Variants in MAGI2 observed in about 807,000 individuals in gnomAD.
MAGI2 encodes the protein membrane associated guanylate kinase, WW and PDZ domain containing 2.
MAGI2 carries 35 observed loss-of-function variants against 133.3 expected under a neutral mutation model. That is an observed-to-expected ratio of 0.26 (90% CI 0.20 to 0.35). The LOEUF (loss-of-function observed/expected upper bound fraction) is 0.35. MAGI2 is among the 10% of genes least tolerant of loss of function. The probability of loss-of-function intolerance (pLI) is 1.00; values close to 1 mark genes in which losing one functional copy is unlikely to be tolerated. For synonymous variants in MAGI2, 729 were observed against 710.6 expected (o/e 1.03, Z -0.41); for missense variants, 1,636 against 1,863.4 (o/e 0.88, Z 2.25).
chr7:78,163,263 G>A (rs899868782), intron 15 of MAGI2, among the ~76,000 whole-genome samples: 2 of 151,910 alleles, frequency 1.3e-5, no homozygotes, highest in Non-Finnish European at 2.9e-5. Context: ...TTAGCCTCCC[G>A]AGTAGCTGAG....
chr7:79,149,159 A>ATT (rs1822956659), intron 1 of MAGI2, among the ~76,000 whole-genome samples: 3 of 145,356 alleles, frequency 2.1e-5, no homozygotes, highest in South Asian at 2.1e-4. Flanking sequence ...ATATATATAT[A>ATT]TTATATATAT....
chr7:79,257,617 G>T (rs1833783994), intron 1 of MAGI2, among the ~76,000 whole-genome samples: 1 of 152,136 alleles, frequency 6.6e-6, no homozygotes, highest in Non-Finnish European at 1.5e-5. Context: ...ACCACTTTTA[G>T]TGATTAGATT....
chr7:79,079,035 C>T (rs368093428), intron 1 of MAGI2, among the ~76,000 whole-genome samples: 8 of 152,106 alleles, frequency 5.3e-5, no homozygotes, highest in African/African-American at 1.9e-4. Flanking sequence ...TTTCTCCCTA[C>T]CCTAATTTTC....
chr7:78,797,670 T>C (rs775891949), intron 2 of MAGI2, among the ~76,000 whole-genome samples: 2 of 152,190 alleles, frequency 1.3e-5, no homozygotes, highest in Non-Finnish European at 2.9e-5. Flanking sequence ...AGGTTTTTAA[T>C]GTTCAAAAGT....
At chr7:79,343,742 T>C (rs1436757062) in intron 1 of MAGI2, among the ~76,000 whole-genome samples, 1 of 152,182 alleles carries the variant, frequency 6.6e-6, no homozygotes, top group Non-Finnish European at 1.5e-5. Flanking sequence ...TCAAATTACT[T>C]TTTAGTTTTC....
chr7:78,088,801 C>G (rs1286764686), intron 20 of MAGI2, among the ~76,000 whole-genome samples: 1 of 152,186 alleles, frequency 6.6e-6, no homozygotes, highest in Middle Eastern at 3.2e-3. Context: ...ACCTCCTAGT[C>G]CCTGGAAGCT....
intron 1 of MAGI2, among the ~76,000 whole-genome samples, chr7:79,098,372 A>G (rs568545938): frequency 1.4e-4 from 22 of 152,190 alleles, no homozygotes; most frequent in Non-Finnish European, 2.1e-4. Context: ...CCTGTCATTT[A>G]TAGTCGATCT....
chr7:78,056,483 C>A (rs1165135839), intron 21 of MAGI2, among the ~76,000 whole-genome samples: 1 of 152,168 alleles, frequency 6.6e-6, no homozygotes, highest in Non-Finnish European at 1.5e-5. Context: ...GAATACTATG[C>A]AGCCATAAAA....
chr7:79,250,243 A>T (rs571437691), intron 1 of MAGI2, among the ~76,000 whole-genome samples: 5 of 151,886 alleles, frequency 3.3e-5, no homozygotes, highest in Non-Finnish European at 5.9e-5. Flanking sequence ...GAACACAAGG[A>T]TGCCCATGTT....
intron 9 of MAGI2, among the ~76,000 whole-genome samples, chr7:78,308,619 G>A (rs569033225): frequency 1.0e-4 from 15 of 148,422 alleles, no homozygotes; most frequent in African/African-American, 3.7e-4. Flanking sequence ...TTTTTCTTCT[G>A]TATTACTCCC....
chr7:78,407,788 C>T (rs1797522203), intron 6 of MAGI2, among the ~76,000 whole-genome samples: 1 of 151,786 alleles, frequency 6.6e-6, no homozygotes, highest in African/African-American at 2.4e-5. Flanking sequence ...GGAAGTAAGT[C>T]AGGTCAGGGT....
chr7:78,599,837 C>T (rs1336889288), intron 3 of MAGI2, among the ~76,000 whole-genome samples: 1 of 152,166 alleles, frequency 6.6e-6, no homozygotes, highest in African/African-American at 2.4e-5. Flanking sequence ...AATAAGACCT[C>T]ACTCTGCTGC....
intron 2 of MAGI2, among the ~76,000 whole-genome samples, chr7:78,871,376 C>T (rs142073734): frequency 2.0e-3 from 301 of 152,090 alleles, no homozygotes; most frequent in African/African-American, 6.3e-3. Flanking sequence ...TATAAGACTA[C>T]GCACTGAGTA....
At chr7:78,680,808 A>G (rs321976) in intron 2 of MAGI2, among the ~76,000 whole-genome samples, 3 of 152,108 alleles carry the variant, frequency 2.0e-5, no homozygotes, top group Non-Finnish European at 4.4e-5. Context: ...CTTCTTCCAT[A>G]TAGTCTTTCA....
chr7:78,029,656 T>C lies in MAGI2; in HGVS notation c.3707-9680A>G, dbSNP rs1584882269. On this transcript the variant is annotated intron_variant, in intron 21 of 21. Coordinates refer to ENST00000354212, the MANE Select transcript of MAGI2 (RefSeq NM_012301.4). The stretch of plus-strand genomic sequence containing the variant: ...TCTAACAGAACAGTCTGCAAACGAC[T>C]GCGTGTTGAAAACTACTGCGTGTTG... Among the ~76,000 whole-genome samples the C allele has an allele frequency of 6.6e-5, 10 of 152,342 alleles. 1 individual carries two copies. The South Asian group carries it at 2.1e-3, about 32-fold the overall frequency.
At chr7:78,706,911 CTG>C (rs1305668723) in intron 2 of MAGI2, among the ~76,000 whole-genome samples, 1 of 152,116 alleles carries the variant, frequency 6.6e-6, no homozygotes, top group African/African-American at 2.4e-5. Context: ...GTCAACAGGA[CTG>C]TGAGTCAACA....
chr7:78,328,253 C>T (rs563239624), intron 9 of MAGI2, among the ~76,000 whole-genome samples: 2 of 152,090 alleles, frequency 1.3e-5, no homozygotes, highest in African/African-American at 2.4e-5. Context: ...CAAGGACTTA[C>T]GCCTTGATGA....
At chr7:78,832,228 T>C (rs546666516) in intron 2 of MAGI2, among the ~76,000 whole-genome samples, 3 of 152,280 alleles carry the variant, frequency 2.0e-5, no homozygotes, top group African/African-American at 7.2e-5. Context: ...AATTGGTAGT[T>C]AAAATGTAAA....
intron 3 of MAGI2, among the ~76,000 whole-genome samples, chr7:78,534,113 C>T (rs769602208): frequency 6.6e-6 from 1 of 152,174 alleles, no homozygotes; most frequent in Non-Finnish European, 1.5e-5. Context: ...AAGCACAGTC[C>T]TCTTTGAAAC....
Sources: allele counts gnomAD v4.1 joint callset (sites outside exome capture counted in the v4.1 genomes callset), GRCh38; gene constraint gnomAD v4.1.1; transcripts MANE v1.5; gene names NCBI Gene and HGNC (gene_info 2026-07-23, HGNC 2026-07-21).